Variants in RBMS3 observed in about 807,000 individuals in gnomAD.
RBMS3 encodes RNA-binding motif, single-stranded-interacting protein 3.
RBMS3 carries 27 observed loss-of-function variants against 66.8 expected under a neutral mutation model. That is an observed-to-expected ratio of 0.40 (90% confidence interval 0.30 to 0.56). The LOEUF (loss-of-function observed/expected upper bound fraction) is 0.56, where lower values mean the gene tolerates loss of function less well. Ranked by LOEUF, RBMS3 falls within the 20% of genes least tolerant of loss-of-function variation. RBMS3 has a pLI of 0.40. For missense variants in RBMS3, 513 were observed against 549.5 expected (o/e 0.93, Z 0.66); for synonymous variants, 188 against 183.0 (o/e 1.03, Z -0.22).
intron 1 of RBMS3, among the ~76,000 whole-genome samples, chr3:29,342,706 A>G (rs927735885): frequency 6.6e-6 from 1 of 152,150 alleles, no homozygotes; most frequent in African/African-American, 2.4e-5. Flanking sequence ...ACTTCGATCA[A>G]TTATATAGTC....
intron 12 of RBMS3, among the ~76,000 whole-genome samples, chr3:29,956,288 A>T (rs1432520945): frequency 2.6e-5 from 4 of 152,048 alleles, no homozygotes; most frequent in Non-Finnish European, 5.9e-5. Context: ...ATCTCTGTGG[A>T]TCAAATCTTG....
chr3:29,962,501 T>G (rs985584219), intron 12 of RBMS3, among the ~76,000 whole-genome samples: 4 of 150,258 alleles, frequency 2.7e-5, no homozygotes, highest in Non-Finnish European at 5.9e-5. Flanking sequence ...ATGGTTACTT[T>G]ATATAGGTTT....
At chr3:29,336,812 C>A (rs769255651) in intron 1 of RBMS3, among the ~76,000 whole-genome samples, 1 of 152,070 alleles carries the variant, frequency 6.6e-6, no homozygotes, top group Non-Finnish European at 1.5e-5. Context: ...CCTGCTTTGC[C>A]ATCATGTTTT....
intron 3 of RBMS3, among the ~76,000 whole-genome samples, chr3:29,535,279 A>T (rs542169145): frequency 6.6e-6 from 1 of 152,184 alleles, no homozygotes; most frequent in Non-Finnish European, 1.5e-5. Context: ...AAAGATTTTG[A>T]AAATGTCACT....
In RBMS3 at chr3:29,991,174, C is replaced by A; in HGVS notation, c.1272C>A (p.Asn424Lys). The change falls in exon 14 of 15, where the codon AAC (asparagine) becomes AAA (lysine). Residue 424 changes from asparagine (N) to lysine (K), a missense_variant. By Grantham distance (94) the Asn-to-Lys change is moderately conservative. Transcript: ENST00000383767. ...QQQQIAVDTS[N>K]EHAPAYSYQQ... ...AACAGATAGCAGTGGACACATCCAA[C>A]GAACATGCACCTGCATATTCTTACC... 6.2e-7 allele frequency: 1 copy of A among 1,614,108 alleles called. No individual in the cohort carries two copies. Among genetic ancestry groups the A allele is most frequent in the Non-Finnish European group, 8.5e-7 (1 of 1,179,994 alleles).
At chr3:29,648,360 G>A (rs73050310) in intron 4 of RBMS3, among the ~76,000 whole-genome samples, 7 of 140,654 alleles carry the variant, frequency 5.0e-5, no homozygotes, top group Admixed American at 1.5e-4. Context: ...CAGACTCTCT[G>A]TCCCAGGCTC....
chr3:29,954,110 A>T (rs995991296), intron 12 of RBMS3, among the ~76,000 whole-genome samples: 9 of 151,604 alleles, frequency 5.9e-5, no homozygotes, highest in Non-Finnish European at 1.3e-4. Flanking sequence ...TGCTTAATGA[A>T]ATGTGTAGAT....
chr3:29,917,433 T>C (rs982278559), intron 10 of RBMS3, among the ~76,000 whole-genome samples: 1 of 152,130 alleles, frequency 6.6e-6, no homozygotes, highest in Non-Finnish European at 1.5e-5. Context: ...GTACCAGATA[T>C]GTGCTGCACC....
chr3:29,818,499 T>TTCTTGTGTGCTTTTC (rs2057982684), intron 6 of RBMS3, among the ~76,000 whole-genome samples: 1 of 152,106 alleles, frequency 6.6e-6, no homozygotes, highest in Non-Finnish European at 1.5e-5. Flanking sequence ...GATACATTGT[T>TTCTTGTGTGCTTTTC]ATGAACAATG....
At chr3:29,345,975 A>G (rs971104490) in intron 1 of RBMS3, among the ~76,000 whole-genome samples, 1 of 152,228 alleles carries the variant, frequency 6.6e-6, no homozygotes, top group African/African-American at 2.4e-5. Flanking sequence ...TATCAAGAGG[A>G]TACTGCAAAG....
intron 10 of RBMS3, among the ~76,000 whole-genome samples, chr3:29,927,659 CA>C (rs2060976616): frequency 6.6e-6 from 1 of 152,048 alleles, no homozygotes; most frequent in South Asian, 2.1e-4. Flanking sequence ...GCCAAGACAG[CA>C]AGGGTAAGAG....
intron 12 of RBMS3, among the ~76,000 whole-genome samples, chr3:29,987,407 C>G (rs946264677): frequency 6.6e-6 from 1 of 152,116 alleles, no homozygotes; most frequent in Non-Finnish European, 1.5e-5. Context: ...TGCAAAAATA[C>G]AACTTATCCT....
chr3:29,538,146 T>C (rs1051026410), intron 3 of RBMS3, among the ~76,000 whole-genome samples: 6 of 152,132 alleles, frequency 3.9e-5, no homozygotes, highest in African/African-American at 7.2e-5. Context: ...TAGACTTACA[T>C]TGGATTTGAC....
At position 29,976,613 on chromosome 3, in the gene RBMS3, G is replaced by A. The variant is rs370043867; in HGVS notation, c.1099-11530G>A. ...TTTCCATGCCCTAGTAGGGACACTCGACGCTCAAGGAAAATATCTCAAGAT... is the reference window on the plus strand; with the variant it reads ...TTTCCATGCCCTAGTAGGGACACTCAACGCTCAAGGAAAATATCTCAAGAT... On this transcript the variant is annotated intron_variant, in intron 12 of 14. Transcript: ENST00000383767. 7.2e-5 allele frequency among the ~76,000 whole-genome samples: 11 copies of A among 152,086 alleles called. No homozygotes were observed. The East Asian group carries it at 2.1e-3, about 29-fold the overall frequency.
intron 4 of RBMS3, among the ~76,000 whole-genome samples, chr3:29,704,205 C>T (rs111259552): frequency 1.6e-4 from 25 of 152,256 alleles, no homozygotes; most frequent in African/African-American, 5.3e-4. Flanking sequence ...ATCCCAAAAC[C>T]ATCTCCCCAC....
At chr3:29,420,272 G>C (rs148732541) in intron 1 of RBMS3, among the ~76,000 whole-genome samples, 125 of 152,182 alleles carry the variant, frequency 8.2e-4, no homozygotes, top group African/African-American at 3.0e-3. Flanking sequence ...GGTGCCTTCC[G>C]GTCCTAGCAG....
chr3:29,475,878 AAG>A (rs1383739595), intron 2 of RBMS3, among the ~76,000 whole-genome samples: 6 of 152,208 alleles, frequency 3.9e-5, no homozygotes, highest in Non-Finnish European at 8.8e-5. Context: ...TATTAAAAAA[AAG>A]AGTTGATCTG....
intron 4 of RBMS3, among the ~76,000 whole-genome samples, chr3:29,688,027 G>A (rs182575714): frequency 9.9e-5 from 15 of 152,264 alleles, no homozygotes; most frequent in Admixed American, 6.5e-4. Context: ...ATTACCGTTA[G>A]TTTCATGGAA....
chr3:29,522,114 G>T (rs2044883336), intron 3 of RBMS3, among the ~76,000 whole-genome samples: 1 of 152,198 alleles, frequency 6.6e-6, no homozygotes, highest in Admixed American at 6.5e-5. Context: ...TTTGCACAGA[G>T]AGGAAAATCT....
Sources: gnomAD v4.1 joint callset for allele counts (sites outside exome capture counted in the v4.1 genomes callset) on GRCh38, gnomAD v4.1.1 for gene constraint, MANE v1.5 for transcripts, NCBI Gene and HGNC (gene_info 2026-07-23, HGNC 2026-07-21) for gene names.